CABLES1: variants seen among roughly 807,000 people sequenced by gnomAD.
CABLES1 encodes CDK5 and ABL1 enzyme substrate 1.
In CABLES1, 36 loss-of-function variants were observed where a neutral mutation model predicts 57.8. The ratio of observed to expected loss-of-function variants is 0.62; its 90% confidence interval spans 0.48 to 0.82. The LOEUF (loss-of-function observed/expected upper bound fraction) is 0.82, where lower values mean the gene tolerates loss of function less well. Among genes scored for constraint, CABLES1 ranks in the 40% least tolerant of loss-of-function variants. CABLES1 has a pLI of 0.00. For synonymous variants in CABLES1, 374 were observed against 363.0 expected, an observed-to-expected ratio of 1.03 and a Z score of -0.35; for missense variants, 767 against 836.6, an observed-to-expected ratio of 0.92 and a Z score of 1.03.
chr18:23,146,153 T>G (rs1016919532), intron 1 of CABLES1, among the ~76,000 whole-genome samples: 3 of 152,244 alleles, frequency 2.0e-5, no homozygotes, highest in African/African-American at 7.2e-5. Context: ...AAGCAAAATG[T>G]CTACTTCGAT....
At chr18:23,238,656 T>C (rs1362709406) in intron 7 of CABLES1, among the ~76,000 whole-genome samples, 1 of 152,224 alleles carries the variant, frequency 6.6e-6, no homozygotes, top group East Asian at 1.9e-4. Context: ...GAGCAACTGG[T>C]GTAAGAATAA....
At chr18:23,154,083 A>T (rs1444988967) in intron 1 of CABLES1, among the ~76,000 whole-genome samples, 1 of 152,126 alleles carries the variant, frequency 6.6e-6, no homozygotes, top group African/African-American at 2.4e-5. Context: ...ATTTCAGTTG[A>T]ACACATATAG....
At chr18:23,206,907 C>G (rs1339438986) in intron 3 of CABLES1, among the ~76,000 whole-genome samples, 4 of 151,196 alleles carry the variant, frequency 2.6e-5, no homozygotes, top group Admixed American at 2.0e-4. Flanking sequence ...AACTCCTGGG[C>G]TCAAGCAATC....
chr18:23,149,430 G>A (rs1207126019), intron 1 of CABLES1, among the ~76,000 whole-genome samples: 1 of 152,054 alleles, frequency 6.6e-6, no homozygotes, highest in Non-Finnish European at 1.5e-5. Context: ...CCACAGGTAT[G>A]TGCCACCTTG....
chr18:23,154,514 G>A (rs1455558520), intron 1 of CABLES1, among the ~76,000 whole-genome samples: 5 of 152,106 alleles, frequency 3.3e-5, no homozygotes, highest in Admixed American at 1.3e-4. Flanking sequence ...TTAACAATCG[G>A]GTGCCTCGTA....
intron 7 of CABLES1, among the ~76,000 whole-genome samples, chr18:23,250,343 G>T (rs2048007507): frequency 6.6e-6 from 1 of 152,144 alleles, no homozygotes; most frequent in African/African-American, 2.4e-5. Flanking sequence ...GCCTGGATTG[G>T]GGGGTGAGGG....
At position 23,136,605 on chromosome 18, in the gene CABLES1, C is replaced by G; in HGVS notation, c.843C>G (p.Ser281=). 7.0e-7 allele frequency: 1 copy of G among 1,432,186 alleles called. No individual in the cohort carries two copies. Among genetic ancestry groups the G allele is most frequent in the Non-Finnish European group, 9.1e-7 (1 of 1,093,924 alleles). The allele number at this position is 1,432,186 out of a possible 1,614,324, so 88.7% of individuals were successfully genotyped here. ...STSAFEQLQR[S]RRRLISQRSS... is the part of the protein sequence containing the mutation. The stretch of plus-strand genomic sequence containing the variant: ...GCGCCTTCGAGCAGCTGCAGAGGTC[C>G]CGGTGAGTATCCGGGATGCGACGCG... The change falls in exon 1 of 10, where the codon TCC becomes TCG. Residue 281 remains serine, a splice_region_variant and synonymous_variant. Coordinates refer to ENST00000256925, the MANE Select transcript of CABLES1 (RefSeq NM_001100619.3).
intron 8 of CABLES1, 27 bp from the exon 9 acceptor site, chr18:23,253,702 T>C (rs766742057): frequency 1.7e-5 from 27 of 1,598,716 alleles, no homozygotes; most frequent in Non-Finnish European, 2.2e-5. Flanking sequence ...TTCACAAGAC[T>C]GTTCCCTCTT....
At chr18:23,152,737 G>A (rs999170952) in intron 1 of CABLES1, among the ~76,000 whole-genome samples, 2 of 151,898 alleles carry the variant, frequency 1.3e-5, no homozygotes, top group Admixed American at 6.6e-5. Context: ...CGCCTGGCTC[G>A]GCCTCCCAAA....
chr18:23,204,173 G>A lies in CABLES1; in HGVS notation c.1010+9633G>A, dbSNP rs149893104. 6.3e-3 allele frequency among the ~76,000 whole-genome samples: 961 copies of A among 152,336 alleles called. 15 individuals are homozygous for A. The highest frequency in any genetic ancestry group is 0.027 in the Middle Eastern group (8 of 294). On this transcript the variant is annotated intron_variant, in intron 3 of 9. Coordinates refer to ENST00000256925, the MANE Select transcript of CABLES1 (RefSeq NM_001100619.3). ...CTAAGTGGCGGAAGCGGGGAGAGAA[G>A]CTGGCATGCAGGGCAGTCACTCGGC...
At position 23,200,799 on chromosome 18, in the gene CABLES1, T is replaced by TG. The variant is rs547915913; in HGVS notation, c.1010+6260dup. ...TGTCAGTTTATTCCTCACTATCGCA[T>TG]GTCCCTGTGGATAGAGCAGTGAGAA... On this transcript the variant is annotated intron_variant, in intron 3 of 9. Coordinates refer to ENST00000256925, the MANE Select transcript of CABLES1 (RefSeq NM_001100619.3). 1.2e-4 allele frequency among the ~76,000 whole-genome samples: 19 copies of TG among 152,374 alleles called. No individual in the cohort carries two copies. The Middle Eastern group carries it at 0.01, about 82-fold the overall frequency.
chr18:23,191,111 C>G (rs1346375332), intron 2 of CABLES1, among the ~76,000 whole-genome samples: 1 of 150,340 alleles, frequency 6.7e-6, no homozygotes, highest in Non-Finnish European at 1.5e-5. Flanking sequence ...ATTAACCAGG[C>G]ACATGGATGT....
intron 1 of CABLES1, among the ~76,000 whole-genome samples, chr18:23,174,219 C>A (rs556843509): frequency 1.8e-4 from 27 of 152,308 alleles, no homozygotes; most frequent in African/African-American, 6.5e-4. Flanking sequence ...GACGTGGTCT[C>A]TGGTAACTGG....
intron 7 of CABLES1, 63 bp downstream of exon 7, chr18:23,237,308 G>A: frequency 8.9e-7 from 1 of 1,119,454 alleles, no homozygotes; most frequent in Non-Finnish European, 1.4e-6. Flanking sequence ...TGGGTTGGTG[G>A]CCGGCTGGGG....
At chr18:23,167,327 A>G (rs1044076239) in intron 1 of CABLES1, among the ~76,000 whole-genome samples, 16 of 152,148 alleles carry the variant, frequency 1.1e-4, no homozygotes, top group Admixed American at 9.2e-4. Flanking sequence ...CCAGTGGAGA[A>G]TGATCAGGCT....
intron 9 of CABLES1, among the ~76,000 whole-genome samples, chr18:23,256,928 C>G (rs2048181693): frequency 6.6e-6 from 1 of 152,226 alleles, no homozygotes; most frequent in African/African-American, 2.4e-5. Flanking sequence ...AGCCCGTTTT[C>G]TCATCTGTAA....
chr18:23,240,160 T>A (rs1598853350), intron 7 of CABLES1, among the ~76,000 whole-genome samples: 1 of 151,634 alleles, frequency 6.6e-6, no homozygotes, highest in East Asian at 1.9e-4. Flanking sequence ...GATGGAAGGG[T>A]TGGACGTGGG....
At chr18:23,251,201 C>A (rs376833757) in intron 7 of CABLES1, among the ~76,000 whole-genome samples, 6 of 152,310 alleles carry the variant, frequency 3.9e-5, no homozygotes, top group South Asian at 2.1e-4. Flanking sequence ...GCCTGTAATG[C>A]CAGCACTTTG....
intron 1 of CABLES1, among the ~76,000 whole-genome samples, chr18:23,176,672 C>T (rs1240698752): frequency 6.6e-6 from 1 of 152,158 alleles, no homozygotes; most frequent in Non-Finnish European, 1.5e-5. Context: ...GAAGAGGCAT[C>T]AGTCTTTGTT....
Sources: allele counts gnomAD v4.1 joint callset (sites outside exome capture counted in the v4.1 genomes callset), GRCh38; gene constraint gnomAD v4.1.1; transcripts MANE v1.5; gene names NCBI Gene and HGNC (gene_info 2026-07-23, HGNC 2026-07-21).